RSBN1L: variants seen among roughly 807,000 people sequenced by gnomAD.
RSBN1L encodes the protein lysine-specific demethylase RSBN1L.
A neutral mutation model predicts 67.7 loss-of-function variants in RSBN1L; 30 were observed. The observed-to-expected ratio is 0.44, with a 90% confidence interval of 0.33 to 0.60. The LOEUF (loss-of-function observed/expected upper bound fraction) is 0.60. RSBN1L is among the 20% of genes least tolerant of loss of function. RSBN1L has a pLI of 0.02. For missense variants in RSBN1L, 992 were observed against 1,031.7 expected (o/e 0.96, Z 0.53); for synonymous variants, 433 against 387.0 (o/e 1.12, Z -1.39).
At position 77,776,056 on chromosome 7, in the gene RSBN1L, C is replaced by CAA. The variant is rs34113834; in HGVS notation, c.1794-2273_1794-2272dup. On this transcript the variant is annotated intron_variant, in intron 6 of 7. Transcript: ENST00000334955. ...GGGCGATTGACGTGAGACTCCGTCT[C>CAA]AAAAAAAAAAGTGTATTTTGCTGTT... Among the ~76,000 whole-genome samples, 1,028 of 150,028 alleles carry CAA rather than the reference C, an allele frequency of 6.9e-3. 5 individuals carry two copies. The highest frequency in any genetic ancestry group is 0.038 in the Middle Eastern group (11 of 292).
At chr7:77,742,970 A>G (rs943953396) in intron 2 of RSBN1L, among the ~76,000 whole-genome samples, 16 of 152,368 alleles carry the variant, frequency 1.1e-4, no homozygotes, top group African/African-American at 3.6e-4. Flanking sequence ...CCTTGCAAAC[A>G]GGACTGAGAA....
chr7:77,777,863 C>T (rs1448464446), intron 6 of RSBN1L, among the ~76,000 whole-genome samples: 2 of 152,090 alleles, frequency 1.3e-5, no homozygotes, highest in South Asian at 4.2e-4. Flanking sequence ...TAGTACTTTT[C>T]CAATGAAGTC....
At chr7:77,706,019 C>T (rs1002173111) in intron 1 of RSBN1L, among the ~76,000 whole-genome samples, 1 of 151,830 alleles carries the variant, frequency 6.6e-6, no homozygotes, top group African/African-American at 2.4e-5. Context: ...CTGCCTCAGC[C>T]TCCCAAGTAG....
intron 2 of RSBN1L, among the ~76,000 whole-genome samples, chr7:77,736,751 GTTAAAC>G (rs557505622): frequency 1.8e-3 from 271 of 152,024 alleles, no homozygotes; most frequent in African/African-American, 6.3e-3. Flanking sequence ...GTTAAGCTTC[GTTAAAC>G]TTAATTTCTT....
chr7:77,735,466 C>T (rs1791321810), intron 1 of RSBN1L, among the ~76,000 whole-genome samples: 3 of 152,074 alleles, frequency 2.0e-5, no homozygotes, highest in South Asian at 4.1e-4. Context: ...TAGATCTGGA[C>T]AGTGCTTATA....
chr7:77,711,307 A>G (rs946145980), intron 1 of RSBN1L, among the ~76,000 whole-genome samples: 20 of 150,198 alleles, frequency 1.3e-4, no homozygotes, highest in African/African-American at 4.9e-4. Flanking sequence ...TATAAAAAAG[A>G]TATTTTGCAT....
intron 1 of RSBN1L, among the ~76,000 whole-genome samples, chr7:77,725,243 A>ATTTTTTTTTTTTTTTTTTTTTTTTTTTTT (rs1554338354): frequency 1.7e-5 from 1 of 57,918 alleles, no homozygotes; most frequent in African/African-American, 8.8e-5. Context: ...TAAGCCCCCC[A>ATTTTTTTTTTTTTTTTTTTTTTTTTTTTT]CTTTTTTTTT....
intron 1 of RSBN1L, among the ~76,000 whole-genome samples, chr7:77,707,512 G>T (rs1010986761): frequency 3.3e-5 from 5 of 152,050 alleles, no homozygotes; most frequent in Admixed American, 3.3e-4. Context: ...TTTTATAGAA[G>T]AGTATATATT....
chr7:77,726,501 T>TA (rs1265088684), intron 1 of RSBN1L, among the ~76,000 whole-genome samples: 1 of 152,236 alleles, frequency 6.6e-6, no homozygotes, highest in Non-Finnish European at 1.5e-5. Flanking sequence ...ACAATAACTG[T>TA]AAATTTTAAA....
chr7:77,751,316 T>A (rs1791553852), intron 3 of RSBN1L, among the ~76,000 whole-genome samples: 1 of 143,914 alleles, frequency 6.9e-6, no homozygotes, highest in Non-Finnish European at 1.5e-5. Context: ...ATTTTTGTAT[T>A]TTTGGTAGAG....
At chr7:77,731,427 G>T (rs1451129634) in intron 1 of RSBN1L, among the ~76,000 whole-genome samples, 1 of 152,030 alleles carries the variant, frequency 6.6e-6, no homozygotes, top group African/African-American at 2.4e-5. Context: ...GTAGAGACAG[G>T]GTTTCATCAT....
intron 6 of RSBN1L, among the ~76,000 whole-genome samples, chr7:77,775,826 C>T (rs144835232): frequency 0.013 from 1,926 of 152,134 alleles, 38 homozygotes; most frequent in African/African-American, 0.043. Context: ...GAGGCCAAGG[C>T]GGGCGGATCA....
At chr7:77,778,307 C>A (rs1347350514) in intron 6 of RSBN1L, 31 bp from the exon 7 acceptor site, 53 of 1,468,232 alleles carry the variant, frequency 3.6e-5, no homozygotes, top group Non-Finnish European at 4.9e-5. Context: ...GCATTTATGG[C>A]AGATTCTTGT....
At position 77,736,983 on chromosome 7, in the gene RSBN1L, C is replaced by T. The variant is rs117246334; in HGVS notation, c.703+457C>T. Among the ~76,000 whole-genome samples, 13 of 151,746 alleles carry T rather than the reference C, an allele frequency of 8.6e-5. 1 individual carries two copies. The East Asian group carries it at 2.5e-3, about 29-fold the overall frequency. ...ATTTTACTCTGAGCTAAATCAGAAGCGGTATGTTTCTTGTATGTTTAAGAA... is the reference window on the plus strand; with the variant it reads ...ATTTTACTCTGAGCTAAATCAGAAGTGGTATGTTTCTTGTATGTTTAAGAA... On this transcript the variant is annotated intron_variant, in intron 2 of 7. Transcript: ENST00000334955.
rs778584909 is a variant in RSBN1L at position 77,780,835 on chromosome 7, G to A, written c.*1667G>A. On this transcript the variant is annotated 3_prime_UTR_variant, in exon 8 of 8. Transcript: ENST00000334955. ...AGTAAAACAGACCTCTTTAATGATA[G>A]ACTCACTATTTGACACTGCTTCTAC... The A allele has an allele frequency of 6.6e-6, 1 of 152,198 alleles. No individual in the cohort carries two copies. Among genetic ancestry groups the A allele is most frequent in the Non-Finnish European group, 1.5e-5 (1 of 68,032 alleles). 9.4% of individuals were successfully genotyped at this position (152,198 alleles called of 1,614,324 possible).
intron 1 of RSBN1L, among the ~76,000 whole-genome samples, chr7:77,698,546 G>A (rs969182744): frequency 2.0e-5 from 3 of 152,142 alleles, no homozygotes; most frequent in African/African-American, 4.8e-5. Context: ...GAAGAAATAA[G>A]TAAGCATTCT....
chr7:77,738,853 C>T (rs4727482), intron 2 of RSBN1L, among the ~76,000 whole-genome samples: 15,422 of 152,022 alleles, frequency 0.1, 1,100 homozygotes, highest in African/African-American at 0.19. Flanking sequence ...GCATGTGAAT[C>T]GCTTGAACCC....
intron 2 of RSBN1L, among the ~76,000 whole-genome samples, chr7:77,747,205 G>T (rs1407663891): frequency 6.6e-6 from 1 of 152,152 alleles, no homozygotes; most frequent in Non-Finnish European, 1.5e-5. Context: ...CTGGCCATGT[G>T]GTAGAAAAGA....
chr7:77,767,398 G>T (rs1791783244), intron 4 of RSBN1L, among the ~76,000 whole-genome samples: 2 of 151,748 alleles, frequency 1.3e-5, no homozygotes, highest in East Asian at 3.9e-4. Flanking sequence ...GTTTCAGATG[G>T]AGTCTCGCTG....
Sources: gnomAD v4.1 joint callset for allele counts (sites outside exome capture counted in the v4.1 genomes callset) on GRCh38, gnomAD v4.1.1 for gene constraint, MANE v1.5 for transcripts, NCBI Gene and HGNC (gene_info 2026-07-23, HGNC 2026-07-21) for gene names.